Variants in HSD17B11 observed in about 807,000 individuals in gnomAD.
The protein encoded by HSD17B11 is estradiol 17-beta-dehydrogenase 11.
A neutral mutation model predicts 27.8 loss-of-function variants in HSD17B11; 22 were observed. The ratio of observed to expected loss-of-function variants is 0.79; its 90% CI spans 0.56 to 1.13. HSD17B11 has a LOEUF of 1.13. HSD17B11 is among the 50% of genes most tolerant of loss of function. The pLI is 0.00. For missense variants in HSD17B11, 314 were observed against 351.1 expected, an observed-to-expected ratio of 0.89 and a Z score of 0.84; for synonymous variants, 117 against 132.8, an observed-to-expected ratio of 0.88 and a Z score of 0.82.
rs1413567752 is a variant in HSD17B11, at chr4:87,340,481, G to C, written c.812+9C>G. The stretch of plus-strand genomic sequence containing the variant: ...CTTTCATTTCTAAGGTTTCTTAACT[G>C]TCACTTACCTTTCCAATGTTGTTAA... On this transcript the variant is annotated intron_variant, in intron 6 of 6. Coordinates refer to ENST00000358290, the MANE Select transcript of HSD17B11 (RefSeq NM_016245.5). The C allele has an allele frequency of 1.3e-6, 2 of 1,527,794 alleles. No homozygotes were observed. Among genetic ancestry groups the C allele is most frequent in the Non-Finnish European group, 1.8e-6 (2 of 1,111,922 alleles). The allele number at this position is 1,527,794 out of a possible 1,614,324, so 94.6% of individuals were successfully genotyped here. A position where few individuals can be genotyped will look rare whatever the true frequency, so the allele number is the denominator to read the frequency against.
At chr4:87,338,471 A>G (rs1735095955) in intron 6 of HSD17B11, among the ~76,000 whole-genome samples, 1 of 152,250 alleles carries the variant, frequency 6.6e-6, no homozygotes, top group African/African-American at 2.4e-5. Flanking sequence ...TAATAATAGT[A>G]GTAGTTATAA....
intron 4 of HSD17B11, among the ~76,000 whole-genome samples, chr4:87,360,117 A>T (rs1735477378): frequency 7.3e-6 from 1 of 137,760 alleles, no homozygotes; most frequent in Non-Finnish European, 1.6e-5. Context: ...CAGTAATTAT[A>T]AGGACAGAAA....
rs184771705 is a variant in HSD17B11 at position 87,343,767 on chromosome 4, C to T, written c.696-3161G>A. 1.3e-3 allele frequency among the ~76,000 whole-genome samples: 201 copies of T among 152,168 alleles called. 3 individuals carry two copies. Among genetic ancestry groups the T allele is most frequent in the East Asian group, 7.5e-3 (39 of 5,172 alleles). On this transcript the variant is annotated intron_variant, in intron 5 of 6. Transcript: ENST00000358290. ...TTCACCATGTTAGCCAGGCTGGTCTCGAACTCCTGATCTCAGGTAATCTGC... is the reference window on the plus strand; with the variant it reads ...TTCACCATGTTAGCCAGGCTGGTCTTGAACTCCTGATCTCAGGTAATCTGC...
chr4:87,357,397 C>T lies in HSD17B11; in HGVS notation c.577G>A (p.Val193Ile), dbSNP rs201643143. The T allele has an allele frequency of 9.9e-6, 16 of 1,612,246 alleles. No individual in the cohort carries two copies. Among genetic ancestry groups the T allele is most frequent in the Middle Eastern group, 1.7e-4 (1 of 6,058 alleles). The change falls in exon 5 of 7, where the codon GTT becomes ATT. Residue 193 changes from valine (V) to isoleucine (I), a missense_variant. Transcript: ENST00000358290. ...TCTGTCAAAGTTTTATGAAATCCAA[C>T]AGCAGCAAACTTGCTTGAACTGAAA... is the stretch of plus-strand genomic sequence containing the variant. ...LAYCSSKFAA[V>I]GFHKTLTDEL...
chr4:87,390,882 C>G lies in HSD17B11; in HGVS notation c.189G>C (p.Leu63=), dbSNP rs1421244450. Reference sequence around the variant, plus strand: ...TTACCTTATTTATATCCCAGAGAACCAGCTTGCTTTTAAGTTTAGCAAATT... The same window carrying G: ...TTACCTTATTTATATCCCAGAGAACGAGCTTGCTTTTAAGTTTAGCAAATT... ...AYEFAKLKSK[L]VLWDINKHGL... is the part of the protein sequence containing the mutation. The change falls in exon 1 of 7, where the codon CTG becomes CTC. Residue 63 remains leucine (L), a synonymous_variant. Transcript: ENST00000358290. 1 of 1,614,032 alleles carries G rather than the reference C, an allele frequency of 6.2e-7. No individual in the cohort carries two copies. The highest frequency in any genetic ancestry group is 8.5e-7 in the Non-Finnish European group (1 of 1,179,972).
chr4:87,378,960 A>ATATATATATATATT (rs1720051475), intron 2 of HSD17B11, among the ~76,000 whole-genome samples: 2 of 25,604 alleles, frequency 7.8e-5, no homozygotes, highest in African/African-American at 6.1e-4. Flanking sequence ...ATATATATAT[A>ATATATATATATATT]TTTTTTTTTT....
At chr4:87,369,432 C>CCT (rs1553959611) in intron 4 of HSD17B11, among the ~76,000 whole-genome samples, 1 of 141,112 alleles carries the variant, frequency 7.1e-6, no homozygotes, top group Non-Finnish European at 1.5e-5. Context: ...ATTCCAAATT[C>CCT]TTTTTTTTTT....
intron 1 of HSD17B11, among the ~76,000 whole-genome samples, chr4:87,385,623 T>C (rs1020803668): frequency 2.6e-5 from 4 of 152,134 alleles, no homozygotes; most frequent in African/African-American, 7.2e-5. Context: ...TTTTTAAAAG[T>C]ATATTGTATT....
chr4:87,354,587 C>G (rs150412433), intron 5 of HSD17B11, among the ~76,000 whole-genome samples: 92 of 150,120 alleles, frequency 6.1e-4, no homozygotes, highest in Middle Eastern at 6.8e-3. Flanking sequence ...AAGGCTGCAG[C>G]GAGCTGTGAT....
At chr4:87,378,589 C>G (rs547538712) in intron 2 of HSD17B11, among the ~76,000 whole-genome samples, 1 of 150,574 alleles carries the variant, frequency 6.6e-6, no homozygotes, top group East Asian at 2.0e-4. Context: ...CAGAGCAGGG[C>G]TAACTCACAG....
rs540089206 is a variant in HSD17B11 at position 87,380,478 on chromosome 4, A to G, written c.318+1777T>C. 1.0e-3 allele frequency among the ~76,000 whole-genome samples: 140 copies of G among 135,814 alleles called. 2 individuals are homozygous for G. The South Asian group carries it at 0.03, about 29-fold the overall frequency. The allele number at this position is 135,814 out of a possible 152,430, so 89.1% of individuals were successfully genotyped here. A position where few individuals can be genotyped will look rare whatever the true frequency, so the allele number is the denominator to read the frequency against. On this transcript the variant is annotated intron_variant, in intron 2 of 6. Coordinates refer to ENST00000358290, the MANE Select transcript of HSD17B11 (RefSeq NM_016245.5). Reference sequence around the variant, plus strand: ...ACAGAGCAAGACTGTCTCAAAAAAAAAAAAAAAAAAGAAAAAAGAAAAGAA... The same window carrying G: ...ACAGAGCAAGACTGTCTCAAAAAAAGAAAAAAAAAAGAAAAAAGAAAAGAA...
At chr4:87,387,412 C>G (rs1245875061) in intron 1 of HSD17B11, among the ~76,000 whole-genome samples, 1 of 152,180 alleles carries the variant, frequency 6.6e-6, no homozygotes, top group African/African-American at 2.4e-5. Context: ...TGGCCCCTCC[C>G]TGCCCTGCCA....
intron 3 of HSD17B11, 46 bp downstream of exon 3, chr4:87,374,653 T>C (rs1312321814): frequency 1.9e-6 from 3 of 1,563,932 alleles, no homozygotes; most frequent in South Asian, 1.2e-5. Flanking sequence ...ACTTTAATCT[T>C]TGGGATTTTC....
intron 4 of HSD17B11, among the ~76,000 whole-genome samples, chr4:87,364,392 G>A (rs759260643): frequency 8.5e-5 from 13 of 152,094 alleles, no homozygotes; most frequent in Admixed American, 6.5e-4. Context: ...GTTATCTGAC[G>A]GTTTTGAGTT....
chr4:87,362,282 G>A (rs1051292821), intron 4 of HSD17B11, among the ~76,000 whole-genome samples: 2 of 152,184 alleles, frequency 1.3e-5, no homozygotes, highest in Admixed American at 1.3e-4. Context: ...CCCCAGCACT[G>A]TGGGAGGCCA....
chr4:87,337,269 T>A lies in HSD17B11; in HGVS notation c.*7A>T. On this transcript the variant is annotated 3_prime_UTR_variant, in exon 7 of 7. Transcript: ENST00000358290. ...CCTGGTAAATCAGTTTTCAGAAAACTAGGTGCTTATTGCGCTTTCATTTTA... is the reference window on the plus strand; with the variant it reads ...CCTGGTAAATCAGTTTTCAGAAAACAAGGTGCTTATTGCGCTTTCATTTTA... 6.4e-7 allele frequency: 1 copy of A among 1,558,820 alleles called. No homozygotes were observed. Among genetic ancestry groups the A allele is most frequent in the Non-Finnish European group, 8.8e-7 (1 of 1,131,160 alleles).
chr4:87,365,692 T>A (rs1006598313), intron 4 of HSD17B11, among the ~76,000 whole-genome samples: 1 of 152,066 alleles, frequency 6.6e-6, no homozygotes, highest in African/African-American at 2.4e-5. Context: ...TAATTAAGAC[T>A]ACTGAAGAAA....
intron 3 of HSD17B11, 21 bp downstream of exon 3, chr4:87,374,678 T>C: frequency 6.3e-7 from 1 of 1,585,710 alleles, no homozygotes; most frequent in Non-Finnish European, 8.5e-7. Context: ...GGAACATTTT[T>C]GTAAAAGAAG....
chr4:87,357,940 A>T (rs1451145849), intron 4 of HSD17B11, among the ~76,000 whole-genome samples: 1 of 131,764 alleles, frequency 7.6e-6, no homozygotes, highest in Non-Finnish European at 1.7e-5. Context: ...CTGAACATTC[A>T]TTAGAGAAAT....
Sources: allele counts gnomAD v4.1 joint callset (sites outside exome capture counted in the v4.1 genomes callset), GRCh38; gene constraint gnomAD v4.1.1; transcripts MANE v1.5; gene names NCBI Gene and HGNC (gene_info 2026-07-23, HGNC 2026-07-21).